Variants in ADGRL2 observed in about 807,000 individuals in gnomAD.
ADGRL2 encodes adhesion G protein-coupled receptor L2, also known as calcium-independent alpha-latrotoxin receptor 2.
In ADGRL2, 44 loss-of-function variants were observed where a neutral mutation model predicts 157.4. That is an observed-to-expected ratio of 0.28 (90% CI 0.22 to 0.36). The LOEUF (loss-of-function observed/expected upper bound fraction) is 0.36. Ranked by LOEUF, ADGRL2 falls within the 10% of genes least tolerant of loss-of-function variation. The pLI is 1.00. For synonymous variants in ADGRL2, 585 were observed against 624.7 expected (o/e 0.94, Z 0.95); for missense variants, 1,510 against 1,768.9 (o/e 0.85, Z 2.63).
rs372658499 is a variant in ADGRL2, at chr1:81,382,517, T to C, written c.-301-62519T>C. ...CTATTTTCAATTGCACGCCATTGTG[T>C]AGGTTATTTGCTTTTTTAAAAGCAA... On this transcript the variant is annotated intron_variant, in intron 1 of 24. Coordinates refer to the ADGRL2 transcript ENST00000370721. 1.8e-4 allele frequency among the ~76,000 whole-genome samples: 27 copies of C among 152,290 alleles called. No homozygotes were observed. In the East Asian group the frequency reaches 1.9e-3, roughly 11 times the overall value.
intron 2 of ADGRL2, among the ~76,000 whole-genome samples, chr1:81,504,507 A>C (rs2078926618): frequency 6.6e-6 from 1 of 151,954 alleles, no homozygotes; most frequent in East Asian, 1.9e-4. Context: ...TTATTTTAAA[A>C]TTTTTATTGT....
intron 3 of ADGRL2, among the ~76,000 whole-genome samples, chr1:81,683,979 G>T (rs2083177140): frequency 1.3e-5 from 2 of 151,978 alleles, no homozygotes; most frequent in Admixed American, 1.3e-4. Flanking sequence ...ACCATGCCCG[G>T]CTCATTTTTT....
upstream of ADGRL2, among the ~76,000 whole-genome samples, chr1:81,798,906 T>C (rs2087725693): frequency 8.9e-6 from 1 of 112,822 alleles, no homozygotes; most frequent in Non-Finnish European, 2.0e-5. Context: ...CATGCACTCA[T>C]TGGGGCTTTT....
intron 3 of ADGRL2, among the ~76,000 whole-genome samples, chr1:81,649,571 ACT>A (rs1451830435): frequency 6.6e-6 from 1 of 151,784 alleles, no homozygotes; most frequent in Admixed American, 6.6e-5. Context: ...TGTTTCTTTT[ACT>A]CCACCTCAAC....
chr1:81,918,675 A>G (rs2094913798), intron 3 of ADGRL2, among the ~76,000 whole-genome samples: 1 of 152,190 alleles, frequency 6.6e-6, no homozygotes, highest in Non-Finnish European at 1.5e-5. Context: ...AACTATCAGT[A>G]GTAAAAAACA....
intron 1 of ADGRL2, among the ~76,000 whole-genome samples, chr1:81,714,904 G>A (rs988097815): frequency 6.6e-6 from 1 of 151,326 alleles, no homozygotes; most frequent in Non-Finnish European, 1.5e-5. Flanking sequence ...TATCATAGGT[G>A]TAAGTCCTTA....
intron 3 of ADGRL2, among the ~76,000 whole-genome samples, chr1:81,620,110 G>A (rs2081757295): frequency 6.6e-6 from 1 of 152,222 alleles, no homozygotes; most frequent in Admixed American, 6.5e-5. Flanking sequence ...GAAAGACGAG[G>A]GCCGGGTTCT....
chr1:81,851,093 G>A (rs1474580508), intron 2 of ADGRL2, among the ~76,000 whole-genome samples: 2 of 151,896 alleles, frequency 1.3e-5, no homozygotes, highest in Non-Finnish European at 1.5e-5. Flanking sequence ...GTCCATGCAT[G>A]CATAGTGTAT....
intron 2 of ADGRL2, among the ~76,000 whole-genome samples, chr1:81,565,549 T>C (rs1412461766): frequency 3.3e-5 from 5 of 152,172 alleles, no homozygotes; most frequent in African/African-American, 1.2e-4. Context: ...CTGCAGAGGT[T>C]TTGAGGCAAT....
chr1:81,859,581 A>G (rs900969397), intron 2 of ADGRL2, among the ~76,000 whole-genome samples: 1 of 151,344 alleles, frequency 6.6e-6, no homozygotes. Context: ...TAATTTTTGT[A>G]TTTTTTTGTA....
At chr1:81,576,771 C>T (rs763363771) in intron 2 of ADGRL2, among the ~76,000 whole-genome samples, 10 of 151,990 alleles carry the variant, frequency 6.6e-5, no homozygotes, top group South Asian at 2.1e-4. Flanking sequence ...TAGGCATTTG[C>T]GCATATATAT....
At chr1:81,714,463 G>T (rs907967916) in intron 1 of ADGRL2, among the ~76,000 whole-genome samples, 1 of 152,082 alleles carries the variant, frequency 6.6e-6, no homozygotes, top group Non-Finnish European at 1.5e-5. Context: ...ATCTTTTATA[G>T]TATGGGGCAG....
chr1:81,901,265 C>T (rs1204736649), intron 2 of ADGRL2, among the ~76,000 whole-genome samples: 1 of 151,976 alleles, frequency 6.6e-6, no homozygotes, highest in Non-Finnish European at 1.5e-5. Flanking sequence ...GTAAAACTAT[C>T]TTGGAGAATT....
intron 2 of ADGRL2, among the ~76,000 whole-genome samples, chr1:81,576,918 T>C (rs559762949): frequency 1.3e-5 from 2 of 152,324 alleles, no homozygotes; most frequent in Admixed American, 1.3e-4. Flanking sequence ...GTCTCAGTCC[T>C]AGTCTGGGAC....
At chr1:81,763,395 G>A (rs999223069) in intron 2 of ADGRL2, among the ~76,000 whole-genome samples, 1 of 151,700 alleles carries the variant, frequency 6.6e-6, no homozygotes, top group Non-Finnish European at 1.5e-5. Flanking sequence ...AACCAGCCTG[G>A]TCAACATGGT....
chr1:81,733,961 T>C (rs1571000792), intron 1 of ADGRL2, among the ~76,000 whole-genome samples: 1 of 152,042 alleles, frequency 6.6e-6, no homozygotes, highest in Non-Finnish European at 1.5e-5. Context: ...ATAACAAAGC[T>C]GCACATGTAT....
chr1:81,685,794 A>G (rs1351835235), intron 3 of ADGRL2, among the ~76,000 whole-genome samples: 1 of 152,140 alleles, frequency 6.6e-6, no homozygotes. Context: ...CTTTTATTAC[A>G]TTAAGGTATG....
intron 1 of ADGRL2, among the ~76,000 whole-genome samples, chr1:81,390,687 T>C (rs1363068120): frequency 2.0e-5 from 3 of 152,308 alleles, no homozygotes; most frequent in African/African-American, 7.2e-5. Context: ...ACATTCCATA[T>C]GGCAATTTGA....
At chr1:81,449,789 C>T (rs2077672253) in intron 2 of ADGRL2, among the ~76,000 whole-genome samples, 1 of 152,038 alleles carries the variant, frequency 6.6e-6, no homozygotes, top group African/African-American at 2.4e-5. Flanking sequence ...CAAGGTTTCA[C>T]CATGTTGCCC....
Sources: allele counts gnomAD v4.1 joint callset (sites outside exome capture counted in the v4.1 genomes callset), GRCh38; gene constraint gnomAD v4.1.1; transcripts MANE v1.5; gene names NCBI Gene and HGNC (gene_info 2026-07-23, HGNC 2026-07-21).